INPP4B: variants seen among roughly 807,000 people sequenced by gnomAD.
INPP4B encodes inositol polyphosphate-4-phosphatase type II B.
INPP4B carries 55 observed loss-of-function variants against 122.5 expected under a neutral mutation model. The observed-to-expected ratio is 0.45, with a 90% confidence interval of 0.36 to 0.56. The LOEUF (loss-of-function observed/expected upper bound fraction) is 0.56. INPP4B is among the 20% of genes least tolerant of loss of function. INPP4B has a pLI of 0.00. For synonymous variants in INPP4B, 403 were observed against 388.7 expected (o/e 1.04, Z -0.43); for missense variants, 1,000 against 1,097.7 (o/e 0.91, Z 1.26).
chr4:142,123,923 T>C (rs1797624906), intron 19 of INPP4B, among the ~76,000 whole-genome samples: 1 of 152,108 alleles, frequency 6.6e-6, no homozygotes, highest in African/African-American at 2.4e-5. Context: ...TTTCCTAGAA[T>C]GTTTAGAAAG....
chr4:142,717,042 A>G (rs2150820513), intron 2 of INPP4B, among the ~76,000 whole-genome samples: 1 of 152,350 alleles, frequency 6.6e-6, no homozygotes, highest in Non-Finnish European at 1.5e-5. Flanking sequence ...TGTCTTCATA[A>G]TAACCCTAGG....
At chr4:142,576,614 GA>G (rs928679066) in intron 2 of INPP4B, among the ~76,000 whole-genome samples, 3 of 151,880 alleles carry the variant, frequency 2.0e-5, no homozygotes, top group Non-Finnish European at 4.4e-5. Context: ...CTCCAAGGGG[GA>G]AAAAAAGCAC....
chr4:142,366,069 C>T (rs1473554477), intron 7 of INPP4B, among the ~76,000 whole-genome samples: 2 of 151,984 alleles, frequency 1.3e-5, no homozygotes, highest in Non-Finnish European at 2.9e-5. Flanking sequence ...TGATGACATT[C>T]CACCATTGTA....
intron 1 of INPP4B, among the ~76,000 whole-genome samples, chr4:142,799,044 AT>A (rs1296825201): frequency 2.0e-5 from 3 of 151,616 alleles, no homozygotes; most frequent in Admixed American, 2.0e-4. Flanking sequence ...TACACTGCTA[AT>A]TTTTTTTAAA....
intron 7 of INPP4B, among the ~76,000 whole-genome samples, chr4:142,344,475 C>T (rs1035797306): frequency 2.0e-5 from 3 of 151,810 alleles, no homozygotes; most frequent in Non-Finnish European, 2.9e-5. Context: ...CAGCAAAGTC[C>T]GAGTTGACAG....
chr4:142,466,148 A>G (rs866302589), intron 2 of INPP4B, among the ~76,000 whole-genome samples: 4 of 152,192 alleles, frequency 2.6e-5, no homozygotes, highest in African/African-American at 9.7e-5. Flanking sequence ...AAGTTGGAAG[A>G]GTTTGGAGGG....
At chr4:142,394,520 G>A (rs754695329) in intron 7 of INPP4B, among the ~76,000 whole-genome samples, 10 of 152,138 alleles carry the variant, frequency 6.6e-5, no homozygotes, top group Non-Finnish European at 1.2e-4. Context: ...TCTAACAAGT[G>A]TGAGGTGATA....
At chr4:142,343,555 T>C (rs1227306181) in intron 7 of INPP4B, among the ~76,000 whole-genome samples, 1 of 152,052 alleles carries the variant, frequency 6.6e-6, no homozygotes, top group Non-Finnish European at 1.5e-5. Flanking sequence ...AAATGGAGAA[T>C]TGCAATTTTG....
chr4:142,299,451 G>C (rs771219553), intron 9 of INPP4B, among the ~76,000 whole-genome samples: 1 of 151,462 alleles, frequency 6.6e-6, no homozygotes, highest in African/African-American at 2.4e-5. Flanking sequence ...CATCGCATCC[G>C]GCCTTGTTCA....
rs559551783 is a variant in INPP4B, at chr4:142,185,835, C to T, written c.1181+7252G>A. Among the ~76,000 whole-genome samples, 342 of 148,430 alleles carry T rather than the reference C, an allele frequency of 2.3e-3. 1 individual carries two copies. Among genetic ancestry groups the T allele is most frequent in the African/African-American group, 7.8e-3 (311 of 40,086 alleles). ...CGGAGCTTGCAGTGAGCCGAGATTG[C>T]GCCACTGCACTACCTCCTGGGCGAC... On this transcript the variant is annotated intron_variant, in intron 15 of 25. Coordinates refer to ENST00000262992, the MANE Select transcript of INPP4B (RefSeq NM_001101669.3).
intron 25 of INPP4B, among the ~76,000 whole-genome samples, chr4:142,075,572 G>A (rs1171858389): frequency 6.6e-6 from 1 of 151,962 alleles, no homozygotes. Context: ...AGACCTCGAA[G>A]ACCAGGAGAA....
At chr4:142,831,018 T>C (rs1782067567) in intron 1 of INPP4B, among the ~76,000 whole-genome samples, 1 of 150,958 alleles carries the variant, frequency 6.6e-6, no homozygotes, top group African/African-American at 2.4e-5. Context: ...TGAGACCCTG[T>C]CTCAAAAAAG....
At chr4:142,049,076 C>T (rs1753088588) in intron 25 of INPP4B, among the ~76,000 whole-genome samples, 1 of 151,906 alleles carries the variant, frequency 6.6e-6, no homozygotes, top group South Asian at 2.1e-4. Flanking sequence ...TTACTGCACT[C>T]ATGAAGTTTT....
intron 2 of INPP4B, among the ~76,000 whole-genome samples, chr4:142,607,366 A>C (rs183935193): frequency 2.6e-5 from 4 of 152,242 alleles, no homozygotes; most frequent in Admixed American, 6.6e-5. Context: ...TTTCATTACT[A>C]TACACTCTGA....
chr4:142,814,777 T>C (rs1779931951), intron 1 of INPP4B, among the ~76,000 whole-genome samples: 1 of 152,160 alleles, frequency 6.6e-6, no homozygotes, highest in Non-Finnish European at 1.5e-5. Context: ...GGATTAAATA[T>C]AGAAGAGACA....
At chr4:142,600,796 G>T (rs532472733) in intron 2 of INPP4B, among the ~76,000 whole-genome samples, 3 of 152,010 alleles carry the variant, frequency 2.0e-5, no homozygotes, top group Non-Finnish European at 4.4e-5. Flanking sequence ...CTGCCTACAA[G>T]AAACATATTT....
intron 12 of INPP4B, among the ~76,000 whole-genome samples, chr4:142,213,888 A>C (rs964562259): frequency 6.6e-6 from 1 of 152,080 alleles, no homozygotes; most frequent in African/African-American, 2.4e-5. Flanking sequence ...TCCGTGAGTG[A>C]GTCACAGGGA....
At chr4:142,457,543 G>A (rs1224943017) in intron 3 of INPP4B, among the ~76,000 whole-genome samples, 4 of 152,130 alleles carry the variant, frequency 2.6e-5, no homozygotes, top group African/African-American at 9.7e-5. Flanking sequence ...TGGAAAAAAT[G>A]TTGTGTCATT....
At position 142,314,697 on chromosome 4, in the gene INPP4B, G is replaced by A. The variant is rs201961460; in HGVS notation, c.423+15C>T. ...AGTGATGTGTGTGCCTTCTGGAAAC[G>A]TTAGAAACACTTACCCCAACTTCTG... On this transcript the variant is annotated intron_variant, in intron 8 of 25. Coordinates refer to ENST00000262992, the MANE Select transcript of INPP4B (RefSeq NM_001101669.3). 30 of 1,600,830 alleles carry A rather than the reference G, an allele frequency of 1.9e-5. No individual in the cohort carries two copies. The highest frequency in any genetic ancestry group is 4.0e-5 in the African/African-American group (3 of 74,606).
Sources: allele counts gnomAD v4.1 joint callset (sites outside exome capture counted in the v4.1 genomes callset), GRCh38; gene constraint gnomAD v4.1.1; transcripts MANE v1.5; gene names NCBI Gene and HGNC (gene_info 2026-07-23, HGNC 2026-07-21).